Variants in CORO2B observed in about 807,000 individuals in gnomAD.
The protein encoded by CORO2B is coronin 2B, also known as coronin-2B.
In CORO2B, 26 loss-of-function variants were observed where a neutral mutation model predicts 58.8. The ratio of observed to expected loss-of-function variants is 0.44; its 90% CI spans 0.32 to 0.61. CORO2B has a LOEUF of 0.61. CORO2B is among the 20% of genes least tolerant of loss of function. The pLI is 0.04. For missense variants in CORO2B, 460 were observed against 645.1 expected, an observed-to-expected ratio of 0.71 and a Z score of 3.11; for synonymous variants, 242 against 253.8, an observed-to-expected ratio of 0.95 and a Z score of 0.44.
intron 1 of CORO2B, among the ~76,000 whole-genome samples, chr15:68,603,013 G>C (rs1347504463): frequency 1.3e-5 from 2 of 152,198 alleles, no homozygotes; most frequent in Non-Finnish European, 2.9e-5. Flanking sequence ...TGTTTCCCCT[G>C]AGCAGGAAGG....
chr15:68,600,919 T>C (rs951512802), intron 1 of CORO2B, among the ~76,000 whole-genome samples: 4 of 152,084 alleles, frequency 2.6e-5, no homozygotes, highest in African/African-American at 9.7e-5. Context: ...TTCCCGGCTG[T>C]CCTGCTGATT....
Position 68,649,602 on chromosome 15 carries a change from G to C in CORO2B, c.216+4242G>C, listed in dbSNP as rs151295942. On this transcript the variant is annotated intron_variant, in intron 2 of 11. Transcript: ENST00000261861. ...ATCCCAAAGAACTTTTGTTTATATG[G>C]GTTATATCTGTCAATAGTTAGCATA... Among the ~76,000 whole-genome samples the C allele has an allele frequency of 1.1e-4, 16 of 151,990 alleles. No homozygotes were observed. In the East Asian group the frequency reaches 2.9e-3, roughly 27 times the overall value.
At chr15:68,592,080 G>A (rs553062639) in intron 1 of CORO2B, among the ~76,000 whole-genome samples, 2 of 152,034 alleles carry the variant, frequency 1.3e-5, no homozygotes, top group African/African-American at 4.8e-5. Flanking sequence ...TCCCTTCCCC[G>A]GTGTCCCCAG....
At chr15:68,622,827 G>T (rs1447121095) in intron 1 of CORO2B, among the ~76,000 whole-genome samples, 1 of 152,210 alleles carries the variant, frequency 6.6e-6, no homozygotes, top group Non-Finnish European at 1.5e-5. Flanking sequence ...TGTGAGGCAG[G>T]CAGAAGAGAT....
chr15:68,527,658 T>C, the CORO2B span, among the ~76,000 whole-genome samples: 6 of 152,208 alleles, frequency 3.9e-5, no homozygotes, highest in Non-Finnish European at 8.8e-5. Flanking sequence ...CTAAATCTTT[T>C]GCATATAAAT....
chr15:68,719,504 C>T lies in CORO2B; in HGVS notation c.1263C>T (p.Val421=). ...APIKEKKSVV[V]NGIDLLENVP... ...TCAAAGAAAAGAAGAGTGTTGTGGT[C>T]AACGGAATAGATTTATTAGAAAATG... Residue 421 remains valine (V), a synonymous_variant, in exon 11 of 12, where the codon GTC becomes GTT. Coordinates refer to ENST00000261861, the MANE Select transcript of CORO2B (RefSeq NM_006091.5). The T allele has an allele frequency of 6.2e-7, 1 of 1,614,066 alleles. No homozygotes were observed. The highest frequency in any genetic ancestry group is 8.5e-7 in the Non-Finnish European group (1 of 1,180,010).
intron 3 of CORO2B, among the ~76,000 whole-genome samples, chr15:68,703,211 C>T (rs1389734021): frequency 2.8e-5 from 4 of 144,196 alleles, no homozygotes; most frequent in East Asian, 4.1e-4. Context: ...CATGCAGTGG[C>T]GCGATCTCAG....
At chr15:68,611,542 T>G (rs779880741) in intron 1 of CORO2B, among the ~76,000 whole-genome samples, 1 of 152,170 alleles carries the variant, frequency 6.6e-6, no homozygotes, top group Non-Finnish European at 1.5e-5. Flanking sequence ...TTATCTCTGT[T>G]TGGATATATC....
chr15:68,523,526 C>G, the CORO2B span, among the ~76,000 whole-genome samples: 22 of 152,152 alleles, frequency 1.4e-4, no homozygotes, highest in African/African-American at 5.1e-4. Context: ...TCCCAGAGAC[C>G]ATGAAAGGTT....
chr15:68,714,126 G>C, intron 6 of CORO2B, 85 bp downstream of exon 6: 1 of 842,100 alleles, frequency 1.2e-6, no homozygotes, highest in Admixed American at 2.1e-5. Flanking sequence ...TCAGGAGCCT[G>C]GGCCCGCACA....
chr15:68,688,835 C>A (rs1223908845), intron 2 of CORO2B, among the ~76,000 whole-genome samples: 1 of 152,166 alleles, frequency 6.6e-6, no homozygotes, highest in Non-Finnish European at 1.5e-5. Context: ...GGTCATGAAC[C>A]TTTTAAAAGT....
chr15:68,663,445 G>A (rs546841634), intron 2 of CORO2B, among the ~76,000 whole-genome samples: 4 of 152,278 alleles, frequency 2.6e-5, no homozygotes, highest in Middle Eastern at 3.4e-3. Context: ...AGTTGAAGAG[G>A]TACGTGCTTT....
chr15:68,645,658 A>G lies in CORO2B; in HGVS notation c.216+298A>G, dbSNP rs1304890147. Among the ~76,000 whole-genome samples, 1 of 152,114 alleles carries G rather than the reference A, an allele frequency of 6.6e-6. No individual in the cohort carries two copies. The highest frequency in any genetic ancestry group is 1.9e-4 in the East Asian group (1 of 5,190). On this transcript the variant is annotated intron_variant, in intron 2 of 11. Transcript: ENST00000261861. The surrounding 1 kb of genome is among the most constrained non-coding windows in gnomAD (Gnocchi z 4.5). ...TTCCCTGAGGGAGTGGAACACTCTG[A>G]TCTCCAAGACCAAGTCTAGCTCTAC...
chr15:68,719,376 G>C lies in CORO2B; in HGVS notation c.1172-37G>C, dbSNP rs182247076. The stretch of plus-strand genomic sequence containing the variant: ...CTGGACCATCACCTGACAGTCCATG[G>C]GATCGTCAGTGAGAGCGTTTCCCTT... On this transcript the variant is annotated intron_variant, in intron 10 of 11. Transcript: ENST00000261861. 6 of 1,611,098 alleles carry C rather than the reference G, an allele frequency of 3.7e-6. No homozygotes were observed. The Admixed American group carries it at 1.0e-4, about 27-fold the overall frequency.
Position 68,711,758 on chromosome 15 carries a change from C to G in CORO2B, c.648+52C>G, listed in dbSNP as rs185336508. 62 of 1,604,074 alleles carry G rather than the reference C, an allele frequency of 3.9e-5. No homozygotes were observed. In the African/African-American group the frequency reaches 7.1e-4, roughly 18 times the overall value. Reference sequence around the variant, plus strand: ...AAGGGGAAGGTATTGAGGGCTGGGGCTCAGCTTTCAGCAGGCCTGGAAGAA... The same window carrying G: ...AAGGGGAAGGTATTGAGGGCTGGGGGTCAGCTTTCAGCAGGCCTGGAAGAA... On this transcript the variant is annotated intron_variant, in intron 5 of 11. Coordinates refer to ENST00000261861, the MANE Select transcript of CORO2B (RefSeq NM_006091.5).
intron 3 of CORO2B, among the ~76,000 whole-genome samples, chr15:68,709,504 C>T (rs1251967692): frequency 7.1e-6 from 1 of 141,124 alleles, no homozygotes; most frequent in East Asian, 2.1e-4. Flanking sequence ...CTGTGTTGCC[C>T]AGGCAGGAGT....
Position 68,726,214 on chromosome 15 carries a change from G to A in CORO2B, c.*240G>A. 2.0e-6 allele frequency: 1 copy of A among 492,776 alleles called. No homozygotes were observed. The highest frequency in any genetic ancestry group is 4.3e-5 in the East Asian group (1 of 23,262). The allele number at this position is 492,776 out of a possible 1,614,324, so 30.5% of individuals were successfully genotyped here. ...AGCCCCTTTCCCTGCCACCCCAGGA[G>A]CCAGGCTTCCCCTCAGCTGGGTGAA... is the stretch of plus-strand genomic sequence containing the variant. On this transcript the variant is annotated 3_prime_UTR_variant, in exon 12 of 12. Coordinates refer to ENST00000261861, the MANE Select transcript of CORO2B (RefSeq NM_006091.5).
chr15:68,695,264 G>A lies in CORO2B; in HGVS notation c.333+8G>A, dbSNP rs766993226. On this transcript the variant is annotated splice_region_variant and intron_variant, in intron 3 of 11. Transcript: ENST00000261861. ...TGCTCGGAGGACACGTCGGTGAGCA[G>A]AGGGGTGCTCCCGGAGGAGGGTGGG... The A allele has an allele frequency of 2.1e-5, 34 of 1,606,594 alleles. No homozygotes were observed. Among genetic ancestry groups the A allele is most frequent in the Non-Finnish European group, 6.0e-6 (7 of 1,173,632 alleles).
chr15:68,656,562 G>T lies in CORO2B; in HGVS notation c.216+11202G>T, dbSNP rs76936954. ...CAGATGATTGATCCTGGCAGCAAAT[G>T]CTTCAGAACCATCCCATTTCCCACT... On this transcript the variant is annotated intron_variant, in intron 2 of 11. Coordinates refer to ENST00000261861, the MANE Select transcript of CORO2B (RefSeq NM_006091.5). Among the ~76,000 whole-genome samples, 1,414 of 152,214 alleles carry T rather than the reference G, an allele frequency of 9.3e-3. 18 individuals carry two copies. The highest frequency in any genetic ancestry group is 0.032 in the African/African-American group (1,343 of 41,530).
Sources: allele counts gnomAD v4.1 joint callset (sites outside exome capture counted in the v4.1 genomes callset), GRCh38; gene constraint gnomAD v4.1.1; non-coding constraint Gnocchi (gnomAD v3.1); transcripts MANE v1.5; gene names NCBI Gene and HGNC (gene_info 2026-07-23, HGNC 2026-07-21).